The following PCDH11X variants were observed in gnomAD, a reference collection of about 807,000 sequenced individuals.
The protein encoded by PCDH11X is protocadherin-11 X-linked.
A neutral mutation model predicts 53.3 loss-of-function variants in PCDH11X; 18 were observed. That is an observed-to-expected ratio of 0.34 (90% confidence interval 0.23 to 0.50). The LOEUF is 0.50. PCDH11X is among the 20% of genes least tolerant of loss of function. The probability of loss-of-function intolerance (pLI) is 0.98; values close to 1 mark genes in which losing one functional copy is unlikely to be tolerated. For missense variants in PCDH11X, 570 were observed against 1,032.4 expected (o/e 0.55, Z 6.14); for synonymous variants, 279 against 393.3 (o/e 0.71, Z 3.44).
intron 10 of PCDH11X, among the ~76,000 whole-genome samples, chrX:92,515,046 C>CAAAA (rs1262977280): frequency 2.0e-5 from 1 of 50,698 alleles, no homozygotes; most frequent in African/African-American, 8.2e-5. Context: ...GATTCCACCT[C>CAAAA]AAAAAAAAAA....
chrX:92,023,020 G>A (rs1349153529), intron 6 of PCDH11X, among the ~76,000 whole-genome samples: 2 of 110,828 alleles, frequency 1.8e-5, no homozygotes, highest in African/African-American at 6.6e-5. Flanking sequence ...CTAAAGCAGT[G>A]TTAAGAGGGT....
At chrX:92,387,396 A>C (rs950500488) in intron 8 of PCDH11X, among the ~76,000 whole-genome samples, 2 of 112,427 alleles carry the variant, frequency 1.8e-5, no homozygotes, top group African/African-American at 6.5e-5. Flanking sequence ...TTATTGCCAA[A>C]TAATACCTAA....
chrX:92,025,481 A>G (rs1221175589), intron 6 of PCDH11X, among the ~76,000 whole-genome samples: 1 of 95,837 alleles, frequency 1.0e-5, no homozygotes, highest in Non-Finnish European at 2.1e-5. Context: ...ATTGTTAGAG[A>G]AATACAAATC....
chrX:91,809,800 A>T (rs1172410982), intron 2 of PCDH11X, among the ~76,000 whole-genome samples, 166 bp downstream of exon 2: 2 of 110,430 alleles, frequency 1.8e-5, no homozygotes, highest in South Asian at 7.7e-4. Context: ...ATTGGATAGT[A>T]CTGCTCTAGA....
Position 92,621,780 on chromosome X carries a change from C to CA in PCDH11X, c.*2842dup, listed in dbSNP as rs1454409151. 9.0e-6 allele frequency: 1 copy of CA among 111,553 alleles called. No individual in the cohort carries two copies. Among genetic ancestry groups the CA allele is most frequent in the African/African-American group, 3.3e-5 (1 of 30,714 alleles). 9.2% of individuals were successfully genotyped at this position (111,553 alleles called of 1,213,427 possible). Reference sequence around the variant, plus strand: ...ACTGCAAAACGTCTTACTGAACCAACAATCAAAAAATGGTTCTGTTTTAAA... The same window carrying CA: ...ACTGCAAAACGTCTTACTGAACCAACAAATCAAAAAATGGTTCTGTTTTAAA... On this transcript the variant is annotated 3_prime_UTR_variant, in exon 11 of 11. Transcript: ENST00000682573.
chrX:92,071,130 T>C (rs2063696778), intron 6 of PCDH11X, among the ~76,000 whole-genome samples: 1 of 109,037 alleles, frequency 9.2e-6, no homozygotes, highest in African/African-American at 3.4e-5. Flanking sequence ...ATATGTGCCC[T>C]TTTTAGGCTA....
At chrX:92,438,011 A>C (rs1184085956) in intron 9 of PCDH11X, among the ~76,000 whole-genome samples, 1 of 111,998 alleles carries the variant, frequency 8.9e-6, no homozygotes, top group Non-Finnish European at 1.9e-5. Flanking sequence ...AAAAATGGCC[A>C]GTTGTGTGCT....
intron 6 of PCDH11X, among the ~76,000 whole-genome samples, chrX:91,922,229 A>T (rs1202185790): frequency 8.9e-6 from 1 of 112,061 alleles, no homozygotes; most frequent in Non-Finnish European, 1.9e-5. Context: ...TTCTACTGGC[A>T]TATATCATCT....
At chrX:91,873,727 C>T (rs186568389) in intron 5 of PCDH11X, among the ~76,000 whole-genome samples, 88 of 111,423 alleles carry the variant, frequency 7.9e-4, no homozygotes, top group Admixed American at 6.6e-3. Flanking sequence ...CTTACATATT[C>T]GTTTTCCCAG....
chrX:91,950,809 A>G (rs1245782243), intron 6 of PCDH11X, among the ~76,000 whole-genome samples: 2 of 109,731 alleles, frequency 1.8e-5, no homozygotes, highest in Non-Finnish European at 3.8e-5. Flanking sequence ...CTGTATTCCT[A>G]ACATGTAGAA....
At chrX:92,084,902 G>A (rs1323333592) in intron 6 of PCDH11X, among the ~76,000 whole-genome samples, 1 of 110,717 alleles carries the variant, frequency 9.0e-6, no homozygotes, top group Non-Finnish European at 1.9e-5. Context: ...TTTCATCACA[G>A]GCTTCTTTAT....
intron 6 of PCDH11X, among the ~76,000 whole-genome samples, chrX:92,147,502 G>A (rs192973354): frequency 2.3e-3 from 263 of 112,140 alleles, no homozygotes; most frequent in Non-Finnish European, 4.1e-3. Flanking sequence ...AAGGGTTAGA[G>A]ATAAGCAAAA....
intron 8 of PCDH11X, among the ~76,000 whole-genome samples, chrX:92,275,367 C>T (rs1474522732): frequency 4.7e-5 from 5 of 107,255 alleles, no homozygotes; most frequent in East Asian, 2.9e-4. Flanking sequence ...AGAATTATGC[C>T]GAGATAGGTA....
At chrX:92,342,957 C>T (rs1188603953) in intron 8 of PCDH11X, among the ~76,000 whole-genome samples, 4 of 112,270 alleles carry the variant, frequency 3.6e-5, no homozygotes, top group African/African-American at 1.3e-4. Flanking sequence ...ATTTTGTGCT[C>T]TCCAATTGCT....
intron 8 of PCDH11X, among the ~76,000 whole-genome samples, chrX:92,280,191 G>T (rs535079944): frequency 1.8e-5 from 2 of 111,924 alleles, no homozygotes; most frequent in African/African-American, 6.5e-5. Context: ...ATTTCAGTTT[G>T]TGTAAGTATA....
intron 7 of PCDH11X, among the ~76,000 whole-genome samples, chrX:92,257,832 G>A (rs2067628495): frequency 8.9e-6 from 1 of 112,096 alleles, no homozygotes; most frequent in South Asian, 3.7e-4. Flanking sequence ...AGTGCTTGTG[G>A]CTTTTCCAGG....
chrX:92,369,641 A>G (rs1245916328), intron 8 of PCDH11X, among the ~76,000 whole-genome samples: 4 of 111,240 alleles, frequency 3.6e-5, no homozygotes, highest in African/African-American at 1.3e-4. Context: ...CCCTGGTGGT[A>G]TAGGCACAGG....
intron 9 of PCDH11X, among the ~76,000 whole-genome samples, chrX:92,459,502 C>A (rs2072985287): frequency 1.2e-5 from 1 of 82,263 alleles, no homozygotes; most frequent in African/African-American, 4.5e-5. Flanking sequence ...ATGCCAACAG[C>A]AAATAAGTTG....
chrX:91,844,901 CA>C (rs1937597331), intron 5 of PCDH11X, among the ~76,000 whole-genome samples: 1 of 109,326 alleles, frequency 9.1e-6, no homozygotes. Context: ...ATGCAAATAA[CA>C]AAGTAAATGG....
Sources: allele counts gnomAD v4.1 joint callset (sites outside exome capture counted in the v4.1 genomes callset), GRCh38; gene constraint gnomAD v4.1.1; transcripts MANE v1.5; gene names NCBI Gene and HGNC (gene_info 2026-07-23, HGNC 2026-07-21).